Variants in PPP2R2B observed in about 807,000 individuals in gnomAD.
The protein encoded by PPP2R2B is serine/threonine-protein phosphatase 2A 55 kDa regulatory subunit B beta isoform.
Under a neutral mutation model 46.0 loss-of-function variants are expected in PPP2R2B, and 5 were observed. That is an observed-to-expected ratio of 0.11 (90% confidence interval 0.06 to 0.23). PPP2R2B has a LOEUF of 0.23. Ranked by LOEUF, PPP2R2B falls within the 10% of genes least tolerant of loss-of-function variation. The probability of loss-of-function intolerance (pLI) is 1.00; values close to 1 mark genes in which losing one functional copy is unlikely to be tolerated. For missense variants in PPP2R2B, 367 were observed against 575.0 expected, an observed-to-expected ratio of 0.64 and a Z score of 3.70; for synonymous variants, 215 against 206.7, an observed-to-expected ratio of 1.04 and a Z score of -0.34.
At chr5:146,917,652 T>C (rs967589779) in intron 1 of PPP2R2B, among the ~76,000 whole-genome samples, 1 of 152,322 alleles carries the variant, frequency 6.6e-6, no homozygotes, top group Admixed American at 6.5e-5. Flanking sequence ...AATAAATAAA[T>C]ATGTATCTTC....
chr5:146,883,396 A>G (rs1762230479), upstream of PPP2R2B, among the ~76,000 whole-genome samples: 2 of 152,202 alleles, frequency 1.3e-5, no homozygotes, highest in South Asian at 4.1e-4. Flanking sequence ...CTCCAAGTCA[A>G]TTGTTCATGT....
At chr5:146,717,850 G>A (rs556272731) in intron 2 of PPP2R2B, among the ~76,000 whole-genome samples, 15 of 151,984 alleles carry the variant, frequency 9.9e-5, no homozygotes, top group East Asian at 7.7e-4. Context: ...CTAGTCCCCC[G>A]TCCTCCCTTT....
intron 2 of PPP2R2B, among the ~76,000 whole-genome samples, chr5:146,767,810 T>G (rs1486064291): frequency 6.6e-6 from 1 of 152,138 alleles, no homozygotes; most frequent in Non-Finnish European, 1.5e-5. Context: ...TTTGGACAAA[T>G]GTAGCATGAC....
At chr5:147,071,959 T>G (rs1757613540) in intron 2 of PPP2R2B, among the ~76,000 whole-genome samples, 1 of 152,174 alleles carries the variant, frequency 6.6e-6, no homozygotes, top group Non-Finnish European at 1.5e-5. Context: ...GCATGATGGA[T>G]TTCCCTTGAG....
intron 5 of PPP2R2B, among the ~76,000 whole-genome samples, chr5:146,657,474 C>T (rs462664): frequency 0.76 from 116,228 of 152,112 alleles, 45,797 homozygotes; most frequent in Non-Finnish European, 0.86. Flanking sequence ...GGTGAACAGA[C>T]AAACCTTTGA....
chr5:146,762,337 A>C (rs1754216019), intron 2 of PPP2R2B, among the ~76,000 whole-genome samples: 1 of 152,224 alleles, frequency 6.6e-6, no homozygotes, highest in Non-Finnish European at 1.5e-5. Flanking sequence ...TGAAGGCATC[A>C]GTTTCCCCAT....
chr5:146,856,350 T>C (rs1047963584), intron 2 of PPP2R2B: 2 of 606,934 alleles, frequency 3.3e-6, no homozygotes, highest in South Asian at 4.6e-5. Context: ...ACTTGTGTCC[T>C]ACGGAACAAA....
intron 2 of PPP2R2B, among the ~76,000 whole-genome samples, chr5:146,805,233 T>C (rs1221398456): frequency 6.6e-6 from 1 of 152,100 alleles, no homozygotes; most frequent in Non-Finnish European, 1.5e-5. Context: ...CCTGAGCCAT[T>C]TGTGCATGAA....
intron 2 of PPP2R2B, among the ~76,000 whole-genome samples, chr5:146,785,700 G>A (rs1240328401): frequency 1.3e-5 from 2 of 152,122 alleles, no homozygotes; most frequent in African/African-American, 4.8e-5. Flanking sequence ...TTTTTAAAAA[G>A]TCAGATAAGT....
chr5:146,971,847 G>T (rs1752674509), intron 1 of PPP2R2B, among the ~76,000 whole-genome samples: 1 of 152,054 alleles, frequency 6.6e-6, no homozygotes, highest in Non-Finnish European at 1.5e-5. Flanking sequence ...TAGAAAAGTT[G>T]CAAAGATAGT....
intron 2 of PPP2R2B, among the ~76,000 whole-genome samples, chr5:146,828,021 GAGAC>G (rs1449041948): frequency 7.0e-6 from 1 of 143,106 alleles, no homozygotes; most frequent in Admixed American, 7.0e-5. Context: ...GAGAGAGAGA[GAGAC>G]AGAGACAGAG....
At chr5:146,927,846 G>C (rs1055626458) in intron 1 of PPP2R2B, among the ~76,000 whole-genome samples, 66 of 151,576 alleles carry the variant, frequency 4.4e-4, no homozygotes, top group African/African-American at 1.5e-3. Context: ...CGATTCTCCT[G>C]CCTACTCTCT....
intron 1 of PPP2R2B, among the ~76,000 whole-genome samples, chr5:146,982,662 T>C (rs1158421969): frequency 6.6e-6 from 1 of 152,216 alleles, no homozygotes; most frequent in Non-Finnish European, 1.5e-5. Flanking sequence ...TATAGATTTG[T>C]CTATTTCTCC....
chr5:146,629,518 T>G (rs957007951), intron 7 of PPP2R2B, among the ~76,000 whole-genome samples: 1 of 152,196 alleles, frequency 6.6e-6, no homozygotes, highest in African/African-American at 2.4e-5. Context: ...ATGGTCTCTC[T>G]GCTTTCCAGG....
chr5:146,754,818 A>T (rs1753747998), intron 2 of PPP2R2B, among the ~76,000 whole-genome samples: 1 of 152,126 alleles, frequency 6.6e-6, no homozygotes, highest in Non-Finnish European at 1.5e-5. Context: ...TCCAGGCAAC[A>T]GCTGTGTTGG....
chr5:147,065,892 C>CTTTA (rs1465143679), intron 2 of PPP2R2B, among the ~76,000 whole-genome samples: 8 of 152,022 alleles, frequency 5.3e-5, no homozygotes, highest in Admixed American at 4.6e-4. Context: ...AGCTAAATGC[C>CTTTA]AACAAGCATT....
intron 5 of PPP2R2B, among the ~76,000 whole-genome samples, chr5:146,657,800 T>C (rs1207645643): frequency 6.6e-6 from 1 of 152,138 alleles, no homozygotes; most frequent in African/African-American, 2.4e-5. Context: ...TTGCTGTCAA[T>C]TTAAATCCAC....
intron 8 of PPP2R2B, among the ~76,000 whole-genome samples, chr5:146,593,290 GAC>G (rs2151003221): frequency 6.6e-6 from 1 of 152,314 alleles, no homozygotes; most frequent in East Asian, 1.9e-4. Flanking sequence ...TGCTTGTATA[GAC>G]AGTGGCATCC....
chr5:146,738,032 A>G (rs572022530), intron 2 of PPP2R2B, among the ~76,000 whole-genome samples: 1 of 152,232 alleles, frequency 6.6e-6, no homozygotes, highest in South Asian at 2.1e-4. Flanking sequence ...CCATCAACAC[A>G]TGATTGTCAC....
Sources: allele counts gnomAD v4.1 joint callset (sites outside exome capture counted in the v4.1 genomes callset), GRCh38; gene constraint gnomAD v4.1.1; transcripts MANE v1.5; gene names NCBI Gene and HGNC (gene_info 2026-07-23, HGNC 2026-07-21).